EIF4EBP1: variants seen among roughly 807,000 people sequenced by gnomAD.
EIF4EBP1 encodes eukaryotic translation initiation factor 4E-binding protein 1.
EIF4EBP1 carries 5 observed loss-of-function variants against 9.2 expected under a neutral mutation model. That is an observed-to-expected ratio of 0.54 (90% CI 0.28 to 1.14). The LOEUF is 1.14. Among genes scored for constraint, EIF4EBP1 ranks in the 50% most tolerant of loss-of-function variants. EIF4EBP1 has a pLI of 0.09. For missense variants in EIF4EBP1, 139 were observed against 169.6 expected (o/e 0.82, Z 1.00); for synonymous variants, 62 against 67.0 (o/e 0.93, Z 0.36).
Position 38,054,490 on chromosome 8 carries a change from AAGG to A in EIF4EBP1, c.146-2590_146-2588del, listed in dbSNP as rs1035840902. Among the ~76,000 whole-genome samples the A allele has an allele frequency of 3.3e-5, 5 of 152,092 alleles. 1 individual carries two copies. In the East Asian group the frequency reaches 7.8e-4, roughly 24 times the overall value. On this transcript the variant is annotated intron_variant, in intron 1 of 2. Transcript: ENST00000338825. Reference sequence around the variant, plus strand: ...AAAAGCAAAGTTGGGGGGAAACAAGAAGGGGGGCACTCTTGCCGAGTCTCAAAG... The same window carrying A: ...AAAAGCAAAGTTGGGGGGAAACAAGAGGGGCACTCTTGCCGAGTCTCAAAG...
chr8:38,035,819 C>T (rs1490574582), intron 1 of EIF4EBP1, among the ~76,000 whole-genome samples: 1 of 151,912 alleles, frequency 6.6e-6, no homozygotes, highest in Non-Finnish European at 1.5e-5. Flanking sequence ...AAGCAATTCT[C>T]CTGCCTCAGC....
At chr8:38,058,185 A>G (rs964533159) in intron 2 of EIF4EBP1, among the ~76,000 whole-genome samples, 3 of 152,168 alleles carry the variant, frequency 2.0e-5, no homozygotes, top group Non-Finnish European at 2.9e-5. Flanking sequence ...CTGTAACTGA[A>G]TACCTGAGAC....
chr8:38,041,949 G>A (rs781536938), intron 1 of EIF4EBP1, among the ~76,000 whole-genome samples: 6 of 151,878 alleles, frequency 4.0e-5, no homozygotes, highest in Non-Finnish European at 2.9e-5. Context: ...CTATGATCAC[G>A]CCACTGCACT....
intron 1 of EIF4EBP1, among the ~76,000 whole-genome samples, chr8:38,049,670 T>C (rs1418577592): frequency 3.3e-5 from 5 of 151,878 alleles, no homozygotes; most frequent in Admixed American, 2.6e-4. Context: ...TTAGTAGAGA[T>C]GGGTTTTCAC....
At chr8:38,038,197 C>A (rs1418250878) in intron 1 of EIF4EBP1, among the ~76,000 whole-genome samples, 1 of 151,914 alleles carries the variant, frequency 6.6e-6, no homozygotes, top group Non-Finnish European at 1.5e-5. Flanking sequence ...AGGAATTGTA[C>A]TTTTAAAAAT....
chr8:38,040,375 A>C (rs1809360800), intron 1 of EIF4EBP1, among the ~76,000 whole-genome samples: 1 of 152,240 alleles, frequency 6.6e-6, no homozygotes, highest in African/African-American at 2.4e-5. Context: ...AAGCTCATTA[A>C]GAGAGCTCAG....
At chr8:38,059,397 C>G (rs1809638624) in intron 2 of EIF4EBP1, among the ~76,000 whole-genome samples, 1 of 152,148 alleles carries the variant, frequency 6.6e-6, no homozygotes, top group East Asian at 1.9e-4. Flanking sequence ...GAGGCCTCCC[C>G]AGAAGCCAAG....
intron 1 of EIF4EBP1, among the ~76,000 whole-genome samples, chr8:38,037,836 C>G (rs576584103): frequency 6.6e-6 from 1 of 152,014 alleles, no homozygotes; most frequent in South Asian, 2.1e-4. Flanking sequence ...TACAGTGGCA[C>G]GATCATGCCT....
At chr8:38,030,865 GA>G (rs1334471217) in intron 1 of EIF4EBP1, 147 bp downstream of exon 1, 2 of 1,215,668 alleles carry the variant, frequency 1.6e-6, no homozygotes, top group African/African-American at 3.2e-5. Context: ...GAGGGTCATG[GA>G]AGTGGCCGCC....
At chr8:38,044,594 A>C (rs1809427214) in intron 1 of EIF4EBP1, among the ~76,000 whole-genome samples, 1 of 152,166 alleles carries the variant, frequency 6.6e-6, no homozygotes, top group Non-Finnish European at 1.5e-5. Flanking sequence ...GCACGCCATC[A>C]TGCCAGGCTA....
chr8:38,032,810 C>T (rs762619256), intron 1 of EIF4EBP1, among the ~76,000 whole-genome samples: 1 of 152,198 alleles, frequency 6.6e-6, no homozygotes, highest in Non-Finnish European at 1.5e-5. Flanking sequence ...GTCAAGCAAG[C>T]CTGGTCGGCC....
chr8:38,041,307 TG>T (rs1809376383), intron 1 of EIF4EBP1, among the ~76,000 whole-genome samples: 1 of 152,172 alleles, frequency 6.6e-6, no homozygotes, highest in African/African-American at 2.4e-5. Flanking sequence ...CTCACCATGT[TG>T]GCCAGGCTGG....
chr8:38,057,642 G>A (rs1809616931), intron 2 of EIF4EBP1, among the ~76,000 whole-genome samples: 1 of 152,204 alleles, frequency 6.6e-6, no homozygotes, highest in South Asian at 2.1e-4. Flanking sequence ...CAAGAGACAA[G>A]TTATCAAAGA....
At chr8:38,055,608 T>C in intron 1 of EIF4EBP1, among the ~76,000 whole-genome samples, 1 of 148,356 alleles carries the variant, frequency 6.7e-6, no homozygotes, top group Non-Finnish European at 1.5e-5. Flanking sequence ...GAATCTATAA[T>C]ATATTATTAT....
intron 1 of EIF4EBP1, among the ~76,000 whole-genome samples, chr8:38,048,618 G>A (rs561825429): frequency 1.3e-5 from 2 of 152,218 alleles, no homozygotes; most frequent in East Asian, 3.9e-4. Flanking sequence ...GTCAATGTGG[G>A]GTTCCCTGAA....
intron 1 of EIF4EBP1, 52 bp from the exon 2 acceptor site, chr8:38,057,029 C>T (rs993149003): frequency 8.0e-5 from 128 of 1,592,302 alleles, no homozygotes; most frequent in Non-Finnish European, 8.3e-5. Context: ...GTGGAAAAAC[C>T]GGCAGGCAAG....
intron 1 of EIF4EBP1, among the ~76,000 whole-genome samples, chr8:38,048,867 G>A (rs1809479777): frequency 6.6e-6 from 1 of 152,016 alleles, no homozygotes; most frequent in South Asian, 2.1e-4. Context: ...GGTGGCTCAT[G>A]CCTGTAATCC....
At position 38,033,331 on chromosome 8, in the gene EIF4EBP1, A is replaced by AT. The variant is rs985391822; in HGVS notation, c.145+2614dup. Among the ~76,000 whole-genome samples the AT allele has an allele frequency of 3.3e-5, 5 of 151,968 alleles. No homozygotes were observed. The South Asian group carries it at 6.2e-4, about 19-fold the overall frequency. ...GATCTGCCTGCCTCGGCCTTCCAGA[A>AT]TGCTGGGATTACAGGCGTGAGTCAC... On this transcript the variant is annotated intron_variant, in intron 1 of 2. Transcript: ENST00000338825.
At chr8:38,044,136 C>T (rs1442310268) in intron 1 of EIF4EBP1, among the ~76,000 whole-genome samples, 1 of 151,988 alleles carries the variant, frequency 6.6e-6, no homozygotes, top group Non-Finnish European at 1.5e-5. Flanking sequence ...AAATGCTCTC[C>T]CTCTCCCTGG....
Sources: allele counts gnomAD v4.1 joint callset (sites outside exome capture counted in the v4.1 genomes callset), GRCh38; gene constraint gnomAD v4.1.1; transcripts MANE v1.5; gene names NCBI Gene and HGNC (gene_info 2026-07-23, HGNC 2026-07-21).